IFITM10: variants seen among roughly 807,000 people sequenced by gnomAD.
IFITM10 encodes the protein interferon induced transmembrane protein 10.
Under a neutral mutation model 19.0 loss-of-function variants are expected in IFITM10, and 17 were observed. The ratio of observed to expected loss-of-function variants is 0.90; its 90% confidence interval spans 0.61 to 1.34. IFITM10 has a LOEUF of 1.34. IFITM10 is among the 40% of genes most tolerant of loss of function. The probability of loss-of-function intolerance (pLI) is 0.00; values close to 1 mark genes in which losing one functional copy is unlikely to be tolerated. For synonymous variants in IFITM10, 148 were observed against 147.2 expected (o/e 1.01, Z -0.04); for missense variants, 306 against 319.8 (o/e 0.96, Z 0.33).
chr11:1,738,571 T>G, intron 2 of IFITM10, among the ~76,000 whole-genome samples: 1 of 150,334 alleles, frequency 6.7e-6, no homozygotes. Context: ...GGATGGGAGG[T>G]GATGTGTGGA....
At chr11:1,735,793 A>G (rs1320022137) in intron 2 of IFITM10, among the ~76,000 whole-genome samples, 1 of 152,236 alleles carries the variant, frequency 6.6e-6, no homozygotes, top group Admixed American at 6.5e-5. Context: ...CAAGTTTTAA[A>G]TGATTAAAAT....
Position 1,747,915 on chromosome 11 carries a change from G to C in IFITM10, c.289C>G (p.Pro97Ala). The C allele has an allele frequency of 6.7e-7, 1 of 1,495,170 alleles. No homozygotes were observed. Among genetic ancestry groups the C allele is most frequent in the Non-Finnish European group, 8.9e-7 (1 of 1,117,908 alleles). 92.6% of individuals were successfully genotyped at this position (1,495,170 alleles called of 1,614,324 possible). A position where few individuals can be genotyped will look rare whatever the true frequency, so the allele number is the denominator to read the frequency against. The change falls in exon 2 of 3, where the codon CCC becomes GCC. Residue 97 changes from proline to alanine, a missense_variant. Physicochemically the swap from Pro to Ala is conservative, Grantham distance 27. Transcript: ENST00000340134. Reference sequence around the variant, plus strand: ...GGGAACAGTGTGGGCGCCATCGGGGGAGAGGCCGAGGGCTCAGGGGCAGGG... The same window carrying C: ...GGGAACAGTGTGGGCGCCATCGGGGCAGAGGCCGAGGGCTCAGGGGCAGGG... ...AAPAPEPSAS[P>A]PMAPTLFPME...
intron 2 of IFITM10, among the ~76,000 whole-genome samples, chr11:1,739,981 C>T (rs186536796): frequency 7.9e-5 from 12 of 151,980 alleles, no homozygotes; most frequent in East Asian, 1.9e-4. Flanking sequence ...CATATGTGAA[C>T]GAGGCAGTGC....
intron 1 of IFITM10, among the ~76,000 whole-genome samples, chr11:1,749,817 T>C (rs1284016942): frequency 1.3e-5 from 2 of 152,026 alleles, no homozygotes; most frequent in Non-Finnish European, 2.9e-5. Flanking sequence ...CCCCCTACTC[T>C]GTTCCTTCCT....
In IFITM10 at chr11:1,747,930, CA is replaced by C. The variant is rs2133650864; in HGVS notation, c.273del (p.Glu92SerfsTer37). The C allele has an allele frequency of 6.8e-7, 1 of 1,478,052 alleles. No homozygotes were observed. Among genetic ancestry groups the C allele is most frequent in the East Asian group, 2.5e-5 (1 of 40,058 alleles). The allele number at this position is 1,478,052 out of a possible 1,614,324, so 91.6% of individuals were successfully genotyped here. ...PALQAPAAPAPEPSASPPMAP... is the reference protein window; with the variant it reads ...PALQAPAAPAXEPSASPPMAP... Reference sequence around the variant, plus strand: ...GCCATCGGGGGAGAGGCCGAGGGCTCAGGGGCAGGGGCCGCCGGAGCCTGCA... The same window carrying C: ...GCCATCGGGGGAGAGGCCGAGGGCTCGGGGCAGGGGCCGCCGGAGCCTGCA... On this transcript the variant is annotated frameshift_variant, in exon 2 of 3. Coordinates refer to ENST00000340134, the MANE Select transcript of IFITM10 (RefSeq NM_001170820.4). LOFTEE classifies it high-confidence loss of function.
chr11:1,740,726 G>C (rs939508730), intron 2 of IFITM10, among the ~76,000 whole-genome samples: 8 of 152,190 alleles, frequency 5.3e-5, no homozygotes, highest in Non-Finnish European at 1.0e-4. Context: ...TCGGCAAAAA[G>C]ATGGTATTTA....
intron 2 of IFITM10, among the ~76,000 whole-genome samples, chr11:1,747,271 C>A (rs535728835): frequency 2.0e-5 from 3 of 152,246 alleles, no homozygotes; most frequent in Admixed American, 6.5e-5. Flanking sequence ...CCTCTTCAGC[C>A]CCACGCTGGC....
At chr11:1,746,440 G>A in intron 2 of IFITM10, 1 of 397,734 alleles carries the variant, frequency 2.5e-6, no homozygotes, top group Non-Finnish European at 4.4e-6. Flanking sequence ...GCCCACTTAT[G>A]CAATTACACG....
chr11:1,735,556 GACGAATGA>G, intron 2 of IFITM10, 127 bp from the exon 3 acceptor site: 1 of 854,634 alleles, frequency 1.2e-6, no homozygotes, highest in Non-Finnish European at 1.8e-6. Context: ...TCCGAGAGCT[GACGAATGA>G]ACGATGGTTC....
At position 1,735,339 on chromosome 11, in the gene IFITM10, C is replaced by T. The variant is rs1226090023; in HGVS notation, c.628G>A (p.Ala210Thr). ...AAGACGAGGATGATGCAGGAGGCTG[C>T]CAGGGCAGAACTGGTGATGTTGAAC... ...RLFNITSSALAASCIILVFIF... is the reference protein window; with the variant it reads ...RLFNITSSALTASCIILVFIF... Residue 210 changes from alanine (A) to threonine (T), a missense_variant, in exon 3 of 3, where the codon GCA becomes ACA. Coordinates refer to ENST00000340134, the MANE Select transcript of IFITM10 (RefSeq NM_001170820.4). 1.9e-6 allele frequency: 3 copies of T among 1,551,716 alleles called. No homozygotes were observed. The highest frequency in any genetic ancestry group is 4.9e-5 in the East Asian group (2 of 40,928).
At position 1,747,990 on chromosome 11, in the gene IFITM10, C is replaced by T. The variant is rs1446295269; in HGVS notation, c.214G>A (p.Gly72Ser). 2 of 1,446,944 alleles carry T rather than the reference C, an allele frequency of 1.4e-6. No homozygotes were observed. The highest frequency in any genetic ancestry group is 1.8e-6 in the Non-Finnish European group (2 of 1,100,910). The allele number at this position is 1,446,944 out of a possible 1,614,324, so 89.6% of individuals were successfully genotyped here. A position where few individuals can be genotyped will look rare whatever the true frequency, so the allele number is the denominator to read the frequency against. ...GGCTTGGACACGCAAGCGAAGCAGC[C>T]CTTGGGCGAACCTGCCGGGGGCCTC... ...IPRPPAGSPK[G>S]CFACVSKPPA... The change falls in exon 2 of 3, where the codon GGC (glycine) becomes AGC (serine). Residue 72 changes from glycine to serine, a missense_variant. By Grantham distance (56) the Gly-to-Ser change is moderately conservative (BLOSUM62 0). Coordinates refer to ENST00000340134, the MANE Select transcript of IFITM10 (RefSeq NM_001170820.4).
At chr11:1,741,500 C>T (rs1389014754) in intron 2 of IFITM10, among the ~76,000 whole-genome samples, 1 of 151,602 alleles carries the variant, frequency 6.6e-6, no homozygotes, top group Non-Finnish European at 1.5e-5. Flanking sequence ...GTGAGTCCAT[C>T]GAAGCAAGCA....
At chr11:1,745,973 T>A (rs1360120003) in intron 2 of IFITM10, 1 of 151,506 alleles carries the variant, frequency 6.6e-6, no homozygotes, top group Admixed American at 6.6e-5. Context: ...CACACTCATG[T>A]GTGATTACAC....
chr11:1,747,864 CG>C lies in IFITM10; in HGVS notation c.339del (p.Asp114ThrfsTer15). 6.5e-7 allele frequency: 1 copy of C among 1,537,456 alleles called. No homozygotes were observed. Among genetic ancestry groups the C allele is most frequent in the Non-Finnish European group, 8.8e-7 (1 of 1,139,158 alleles). ...LFPMESKSSK[T>X]DSVRAAGAPP... ...GGCGCGCCGGCAGCCCGCACGCTGT[CG>C]GTCTTGCTGCTCTTGGACTCCATGG... On this transcript the variant is annotated frameshift_variant, in exon 2 of 3. Transcript: ENST00000340134. LOFTEE classifies it high-confidence loss of function.
At chr11:1,741,381 T>C (rs1337434822) in intron 2 of IFITM10, among the ~76,000 whole-genome samples, 2 of 150,770 alleles carry the variant, frequency 1.3e-5, no homozygotes, top group East Asian at 2.0e-4. Flanking sequence ...AGGTGGGACA[T>C]AGAGGATGAG....
At chr11:1,737,144 C>G (rs1851095692) in intron 2 of IFITM10, among the ~76,000 whole-genome samples, 1 of 152,082 alleles carries the variant, frequency 6.6e-6, no homozygotes, top group South Asian at 2.1e-4. Context: ...TTATTTGATG[C>G]CTTTGCTAAA....
Position 1,735,200 on chromosome 11 carries a change from A to G in IFITM10, c.*80T>C. 1 of 1,475,516 alleles carries G rather than the reference A, an allele frequency of 6.8e-7. No individual in the cohort carries two copies. The highest frequency in any genetic ancestry group is 1.3e-5 in the South Asian group (1 of 77,244). The allele number at this position is 1,475,516 out of a possible 1,614,324, so 91.4% of individuals were successfully genotyped here. ...AGAAGCCCTGCCCTGCCCCAACCTCATGGGATCCTGCGTTTCAGGGACCAT... is the reference window on the plus strand; with the variant it reads ...AGAAGCCCTGCCCTGCCCCAACCTCGTGGGATCCTGCGTTTCAGGGACCAT... On this transcript the variant is annotated 3_prime_UTR_variant, in exon 3 of 3. Coordinates refer to ENST00000340134, the MANE Select transcript of IFITM10 (RefSeq NM_001170820.4).
rs565733830 is a variant in IFITM10, at chr11:1,744,644, G to C, written c.537+3023C>G. On this transcript the variant is annotated intron_variant, in intron 2 of 2. Coordinates refer to ENST00000340134, the MANE Select transcript of IFITM10 (RefSeq NM_001170820.4). ...GCCGAATTGGCCCATGTGGGTGGGG[G>C]GGGTGGATGGATGGCTGGACGGGTG... 3.9e-5 allele frequency: 6 copies of C among 152,618 alleles called. No homozygotes were observed. In the South Asian group the frequency reaches 1.2e-3, roughly 32 times the overall value. 9.5% of individuals were successfully genotyped at this position (152,618 alleles called of 1,614,324 possible). A position where few individuals can be genotyped will look rare whatever the true frequency, so the allele number is the denominator to read the frequency against.
chr11:1,750,568 G>A lies in IFITM10; in HGVS notation c.-126C>T. ...GTCCTGCTTGGGGTCCTGTCTGCCTGCCTGTGCCTGACTCTGAACCCTTTC... is the reference window on the plus strand; with the variant it reads ...GTCCTGCTTGGGGTCCTGTCTGCCTACCTGTGCCTGACTCTGAACCCTTTC... On this transcript the variant is annotated 5_prime_UTR_variant, in exon 1 of 3. Coordinates refer to ENST00000340134, the MANE Select transcript of IFITM10 (RefSeq NM_001170820.4). 1 of 1,222,368 alleles carries A rather than the reference G, an allele frequency of 8.2e-7. No individual in the cohort carries two copies. The highest frequency in any genetic ancestry group is 1.1e-6 in the Non-Finnish European group (1 of 873,864). 75.7% of individuals were successfully genotyped at this position (1,222,368 alleles called of 1,614,324 possible).
Sources: gnomAD v4.1 joint callset for allele counts (sites outside exome capture counted in the v4.1 genomes callset) on GRCh38, gnomAD v4.1.1 for gene constraint, MANE v1.5 for transcripts, NCBI Gene and HGNC (gene_info 2026-07-23, HGNC 2026-07-21) for gene names.